Variants in ERBB4 observed in about 807,000 individuals in gnomAD.
ERBB4 encodes erb-b2 receptor tyrosine kinase 4.
ERBB4 carries 42 observed loss-of-function variants against 158.0 expected under a neutral mutation model. That is an observed-to-expected ratio of 0.27 (90% CI 0.21 to 0.34). The LOEUF (loss-of-function observed/expected upper bound fraction) is 0.34, where lower values mean the gene tolerates loss of function less well. Ranked by LOEUF, ERBB4 falls within the 10% of genes least tolerant of loss-of-function variation. The pLI is 1.00. For synonymous variants in ERBB4, 583 were observed against 558.7 expected, an observed-to-expected ratio of 1.04 and a Z score of -0.61; for missense variants, 1,333 against 1,624.1, an observed-to-expected ratio of 0.82 and a Z score of 3.08.
chr2:212,363,115 G>A (rs1385682329), intron 1 of ERBB4, among the ~76,000 whole-genome samples: 1 of 151,324 alleles, frequency 6.6e-6, no homozygotes, highest in Non-Finnish European at 1.5e-5. Flanking sequence ...TTTACATGAT[G>A]TAATATTACA....
Position 211,511,032 on chromosome 2 carries a change from A to G in ERBB4, c.2487+50871T>C, listed in dbSNP as rs1245483355. ...AAGCACCAAGGGATTATGAAAAAAC[A>G]ACAACCAAAAAAACAGAGAGGTAAG... On this transcript the variant is annotated intron_variant, in intron 20 of 27. Transcript: ENST00000342788. 3.9e-5 allele frequency among the ~76,000 whole-genome samples: 6 copies of G among 152,158 alleles called. No individual in the cohort carries two copies. In the East Asian group the frequency reaches 1.2e-3, roughly 29 times the overall value.
intron 2 of ERBB4, among the ~76,000 whole-genome samples, chr2:212,100,442 T>C (rs2079051075): frequency 6.6e-6 from 1 of 152,188 alleles, no homozygotes; most frequent in African/African-American, 2.4e-5. Flanking sequence ...TATAAGTTGA[T>C]AGGATGGTTT....
rs574262666 is a variant in ERBB4 at position 212,481,405 on chromosome 2, C to G, written c.82+57044G>C. Among the ~76,000 whole-genome samples, 45 of 152,176 alleles carry G rather than the reference C, an allele frequency of 3.0e-4. 2 individuals are homozygous for G. In the South Asian group the frequency reaches 7.3e-3, roughly 25 times the overall value. On this transcript the variant is annotated intron_variant, in intron 1 of 27. Coordinates refer to ENST00000342788, the MANE Select transcript of ERBB4 (RefSeq NM_005235.3). ...TTTATACCAAAGGATAAATTCTAAA[C>G]AGAAAGCACAAAGAGGGGTACTTTT...
intron 3 of ERBB4, among the ~76,000 whole-genome samples, chr2:211,912,865 C>T (rs2079573281): frequency 1.3e-5 from 2 of 152,186 alleles, no homozygotes; most frequent in African/African-American, 4.8e-5. Flanking sequence ...ACCATCTATT[C>T]TCTCTGAGAG....
chr2:212,494,126 T>A (rs1210918403), intron 1 of ERBB4, among the ~76,000 whole-genome samples: 1 of 151,882 alleles, frequency 6.6e-6, no homozygotes, highest in Non-Finnish European at 1.5e-5. Flanking sequence ...TTTTTCCACA[T>A]TGAAACAAGG....
chr2:211,877,925 T>A (rs2078552856), intron 3 of ERBB4, among the ~76,000 whole-genome samples: 1 of 152,098 alleles, frequency 6.6e-6, no homozygotes, highest in African/African-American at 2.4e-5. Context: ...CTGGCCAACA[T>A]GGCAAAACCT....
intron 3 of ERBB4, among the ~76,000 whole-genome samples, chr2:211,816,601 T>C (rs1035757164): frequency 6.8e-6 from 1 of 147,708 alleles, no homozygotes; most frequent in Non-Finnish European, 1.5e-5. Context: ...TAAGCATTGA[T>C]AAACATTTCT....
At chr2:211,855,177 C>A (rs1019726224) in intron 3 of ERBB4, among the ~76,000 whole-genome samples, 1 of 152,094 alleles carries the variant, frequency 6.6e-6, no homozygotes, top group Non-Finnish European at 1.5e-5. Context: ...AGATTTTGCA[C>A]ATTTTTTATT....
intron 1 of ERBB4, chr2:212,426,395 G>A (rs764660906): frequency 1.9e-5 from 8 of 421,850 alleles, no homozygotes; most frequent in East Asian, 9.3e-5. Context: ...GATCTCTTTC[G>A]TCACACATTT....
intron 1 of ERBB4, among the ~76,000 whole-genome samples, chr2:212,219,195 T>TA: frequency 6.6e-6 from 1 of 151,528 alleles, no homozygotes; most frequent in South Asian, 2.1e-4. Context: ...GTTATGATTT[T>TA]AAAAAATTGG....
chr2:212,362,555 T>G, intron 1 of ERBB4, among the ~76,000 whole-genome samples: 1 of 150,870 alleles, frequency 6.6e-6, no homozygotes, highest in East Asian at 1.9e-4. Flanking sequence ...TCATGCCAAA[T>G]GTGCTTAGAT....
chr2:212,153,184 C>T (rs1462902662), intron 1 of ERBB4, among the ~76,000 whole-genome samples: 1 of 152,212 alleles, frequency 6.6e-6, no homozygotes, highest in African/African-American at 2.4e-5. Context: ...TTTGCATCTT[C>T]TCTATAAATA....
intron 1 of ERBB4, among the ~76,000 whole-genome samples, chr2:212,260,346 A>C (rs947527384): frequency 6.6e-6 from 1 of 152,194 alleles, no homozygotes; most frequent in African/African-American, 2.4e-5. Flanking sequence ...TGGTCCTGCT[A>C]TTTGAAATTA....
intron 1 of ERBB4, among the ~76,000 whole-genome samples, chr2:212,287,886 C>T (rs551257735): frequency 3.8e-4 from 58 of 152,156 alleles, no homozygotes; most frequent in African/African-American, 1.3e-3. Flanking sequence ...GGCAACAACA[C>T]GCACTGGGGC....
intron 19 of ERBB4, among the ~76,000 whole-genome samples, chr2:211,570,125 AATTT>A (rs1216985246): frequency 4.0e-5 from 6 of 151,842 alleles, no homozygotes; most frequent in Admixed American, 1.3e-4. Context: ...AGTTGTTTAA[AATTT>A]ATTTATTTTT....
intron 1 of ERBB4, among the ~76,000 whole-genome samples, chr2:212,347,608 T>C (rs184128701): frequency 1.3e-5 from 2 of 152,260 alleles, no homozygotes; most frequent in African/African-American, 2.4e-5. Context: ...AGATATTTGA[T>C]TGTCTAAAAT....
chr2:212,025,495 T>C (rs2076752294), intron 2 of ERBB4, among the ~76,000 whole-genome samples: 1 of 151,838 alleles, frequency 6.6e-6, no homozygotes. Context: ...AGAACACTTG[T>C]GATAAAGGCA....
chr2:212,195,567 T>G (rs1419389878), intron 1 of ERBB4, among the ~76,000 whole-genome samples: 1 of 152,014 alleles, frequency 6.6e-6, no homozygotes, highest in Non-Finnish European at 1.5e-5. Flanking sequence ...CCTAATTTAT[T>G]AAAAATAGAG....
intron 19 of ERBB4, among the ~76,000 whole-genome samples, chr2:211,566,793 G>T (rs2067562190): frequency 6.6e-6 from 1 of 151,888 alleles, no homozygotes; most frequent in African/African-American, 2.4e-5. Context: ...TTAAATATTA[G>T]ATATCAGATT....
Sources: gnomAD v4.1 joint callset for allele counts (sites outside exome capture counted in the v4.1 genomes callset) on GRCh38, gnomAD v4.1.1 for gene constraint, MANE v1.5 for transcripts, NCBI Gene and HGNC (gene_info 2026-07-23, HGNC 2026-07-21) for gene names.